Variants in ADGRB3 observed in about 807,000 individuals in gnomAD.
ADGRB3 encodes brain-specific angiogenesis inhibitor 3.
In ADGRB3, 37 loss-of-function variants were observed where a neutral mutation model predicts 193.4. The observed-to-expected ratio is 0.19, with a 90% CI of 0.15 to 0.25. The LOEUF is 0.25. ADGRB3 is among the 10% of genes least tolerant of loss of function. ADGRB3 has a pLI of 1.00. For synonymous variants in ADGRB3, 690 were observed against 644.2 expected (o/e 1.07, Z -1.08); for missense variants, 1,637 against 1,852.9 (o/e 0.88, Z 2.14).
intron 3 of ADGRB3, among the ~76,000 whole-genome samples, chr6:68,833,113 C>A (rs1767984549): frequency 6.6e-6 from 1 of 152,034 alleles, no homozygotes. Context: ...ATAACCACAT[C>A]CATTCTTTAT....
chr6:69,058,902 G>C (rs899321717), intron 15 of ADGRB3, among the ~76,000 whole-genome samples: 2 of 152,060 alleles, frequency 1.3e-5, no homozygotes, highest in Admixed American at 6.6e-5. Flanking sequence ...CTGCCCTTGA[G>C]AAGAATGTGT....
chr6:68,992,475 A>G (rs1269006475), intron 10 of ADGRB3, among the ~76,000 whole-genome samples: 1 of 152,110 alleles, frequency 6.6e-6, no homozygotes, highest in Non-Finnish European at 1.5e-5. Context: ...ATTACCAGAC[A>G]ATTAGCACTG....
At chr6:69,060,791 A>G (rs1771725428) in intron 15 of ADGRB3, among the ~76,000 whole-genome samples, 1 of 152,016 alleles carries the variant, frequency 6.6e-6, no homozygotes, top group Non-Finnish European at 1.5e-5. Flanking sequence ...TCTGGGAGAA[A>G]TGTTCATAAT....
intron 3 of ADGRB3, among the ~76,000 whole-genome samples, chr6:68,888,578 A>C (rs1283459568): frequency 8.0e-6 from 1 of 124,526 alleles, no homozygotes; most frequent in South Asian, 2.5e-4. Context: ...CACACACATA[A>C]AAAAAACTCC....
chr6:68,675,095 G>A (rs914851156), intron 3 of ADGRB3, among the ~76,000 whole-genome samples: 3 of 152,226 alleles, frequency 2.0e-5, no homozygotes, highest in Non-Finnish European at 4.4e-5. Context: ...TAACATTGAT[G>A]CAGTTTAGTT....
At chr6:69,182,019 A>T (rs1284146564) in intron 17 of ADGRB3, among the ~76,000 whole-genome samples, 1 of 152,150 alleles carries the variant, frequency 6.6e-6, no homozygotes, top group Non-Finnish European at 1.5e-5. Flanking sequence ...CATCGCAAAA[A>T]TTGGCTCACC....
At chr6:69,216,639 T>A (rs1937321486) in intron 17 of ADGRB3, among the ~76,000 whole-genome samples, 2 of 152,068 alleles carry the variant, frequency 1.3e-5, no homozygotes, top group South Asian at 4.1e-4. Flanking sequence ...ACACAGAAAA[T>A]GAAGCCCCAT....
chr6:68,707,941 A>G (rs1765351951), intron 3 of ADGRB3, among the ~76,000 whole-genome samples: 1 of 152,196 alleles, frequency 6.6e-6, no homozygotes, highest in Admixed American at 6.5e-5. Flanking sequence ...TTCCTGTGCA[A>G]GAGGATGGCT....
At chr6:69,066,747 T>A (rs634695) in intron 16 of ADGRB3, among the ~76,000 whole-genome samples, 75,070 of 151,824 alleles carry the variant, frequency 0.49, 20,715 homozygotes, top group East Asian at 0.96. Context: ...AATATCAAAT[T>A]TTTTTCTCCC....
At chr6:69,242,545 T>C (rs1311193596) in intron 20 of ADGRB3, among the ~76,000 whole-genome samples, 1 of 151,968 alleles carries the variant, frequency 6.6e-6, no homozygotes, top group African/African-American at 2.4e-5. Flanking sequence ...GAATTGCTTA[T>C]TGAAATATAA....
chr6:69,174,796 T>G (rs551332732), intron 17 of ADGRB3, among the ~76,000 whole-genome samples: 1 of 152,326 alleles, frequency 6.6e-6, no homozygotes, highest in South Asian at 2.1e-4. Context: ...TAATAATAGC[T>G]ATTCTGACTG....
chr6:69,368,411 A>C (rs1769630355), intron 29 of ADGRB3, among the ~76,000 whole-genome samples: 1 of 152,130 alleles, frequency 6.6e-6, no homozygotes, highest in Non-Finnish European at 1.5e-5. Flanking sequence ...AACAGATGGC[A>C]CATGCTGGTG....
intron 8 of ADGRB3, among the ~76,000 whole-genome samples, chr6:68,971,632 G>A (rs1408306013): frequency 6.6e-6 from 1 of 152,174 alleles, no homozygotes; most frequent in Non-Finnish European, 1.5e-5. Flanking sequence ...GGAGATCCTG[G>A]TACAAATCCC....
intron 3 of ADGRB3, among the ~76,000 whole-genome samples, chr6:68,782,417 G>A (rs1766873391): frequency 6.6e-6 from 1 of 151,854 alleles, no homozygotes; most frequent in African/African-American, 2.4e-5. Context: ...ATTGTGAATA[G>A]TGCCGCAATA....
At chr6:68,699,033 A>G (rs1249202987) in intron 3 of ADGRB3, among the ~76,000 whole-genome samples, 1 of 152,136 alleles carries the variant, frequency 6.6e-6, no homozygotes, top group Non-Finnish European at 1.5e-5. Flanking sequence ...TAATAAAATG[A>G]ATATTAAAAT....
At chr6:68,885,483 T>C (rs982372043) in intron 3 of ADGRB3, among the ~76,000 whole-genome samples, 6 of 152,322 alleles carry the variant, frequency 3.9e-5, no homozygotes, top group African/African-American at 1.2e-4. Flanking sequence ...CTTGTTTCTT[T>C]GTGGTGAAAA....
At chr6:69,332,848 T>C (rs192350414) in intron 23 of ADGRB3, 75 bp from the exon 24 acceptor site, 1,280 of 1,572,914 alleles carry the variant, frequency 8.1e-4, no homozygotes, top group Non-Finnish European at 9.7e-4. Flanking sequence ...TTGATAAAAA[T>C]AGGATTTTCA....
chr6:68,915,173 A>AT (rs1241978140), intron 3 of ADGRB3, among the ~76,000 whole-genome samples: 1 of 151,882 alleles, frequency 6.6e-6, no homozygotes, highest in African/African-American at 2.4e-5. Context: ...ATTTGACGCA[A>AT]TTTTTTTTGA....
At chr6:69,274,660 C>A (rs1767260623) in intron 20 of ADGRB3, among the ~76,000 whole-genome samples, 1 of 132,366 alleles carries the variant, frequency 7.6e-6, no homozygotes, top group Non-Finnish European at 1.6e-5. Context: ...TCCCTTCTTC[C>A]CTTTCTTCCT....
Sources: gnomAD v4.1 joint callset for allele counts (sites outside exome capture counted in the v4.1 genomes callset) on GRCh38, gnomAD v4.1.1 for gene constraint, MANE v1.5 for transcripts, NCBI Gene and HGNC (gene_info 2026-07-23, HGNC 2026-07-21) for gene names.